The following TMEM272 variants were observed in gnomAD, a reference collection of about 807,000 sequenced individuals.
TMEM272 encodes the protein transmembrane protein 272.
A neutral mutation model predicts 3.7 loss-of-function variants in TMEM272; 8 were observed. The ratio of observed to expected loss-of-function variants is 2.17; its 90% confidence interval spans 1.27 to 3.91. The LOEUF is 3.91. Ranked by LOEUF, TMEM272 falls within the 30% of genes most tolerant of loss-of-function variation. TMEM272 has a pLI of 0.00. For missense variants in TMEM272, 166 were observed against 91.5 expected (o/e 1.81, Z -3.32); for synonymous variants, 63 against 39.8 (o/e 1.58, Z -2.20).
the TMEM272 span, among the ~76,000 whole-genome samples, chr13:51,851,340 A>G: frequency 6.6e-6 from 1 of 151,592 alleles, no homozygotes; most frequent in Non-Finnish European, 1.5e-5. Flanking sequence ...CCTCCTCCGT[A>G]ACCAAAAAAA....
chr13:51,919,359 T>C, the TMEM272 span, among the ~76,000 whole-genome samples: 1 of 152,166 alleles, frequency 6.6e-6, no homozygotes, highest in East Asian at 1.9e-4. Context: ...TGCTTCATAG[T>C]TTTAGAAATA....
At chr13:51,840,603 G>C (rs1355583452) in intron 1 of TMEM272, among the ~76,000 whole-genome samples, 2 of 152,198 alleles carry the variant, frequency 1.3e-5, no homozygotes, top group African/African-American at 4.8e-5. Context: ...TTGGATTCCA[G>C]GGGTCCCTCT....
intron 2 of TMEM272, among the ~76,000 whole-genome samples, chr13:51,829,414 T>C (rs1250007739): frequency 1.3e-5 from 2 of 152,184 alleles, no homozygotes; most frequent in African/African-American, 4.8e-5. Flanking sequence ...TTTGCATTTT[T>C]GTTTTGCTCC....
chr13:51,907,172 T>G, the TMEM272 span, among the ~76,000 whole-genome samples: 5 of 152,334 alleles, frequency 3.3e-5, no homozygotes, highest in East Asian at 5.8e-4. Flanking sequence ...TGGCTTCTGC[T>G]GTCTTGAACG....
the TMEM272 span, among the ~76,000 whole-genome samples, chr13:51,924,114 T>A: frequency 6.6e-6 from 1 of 152,300 alleles, no homozygotes; most frequent in East Asian, 1.9e-4. Context: ...CCCTCCCACC[T>A]TACAGCTGCT....
chr13:51,822,207 A>G, intron 3 of TMEM272, 70 bp from the exon 4 acceptor site: 2 of 635,746 alleles, frequency 3.1e-6, no homozygotes, highest in Non-Finnish European at 5.6e-6. Flanking sequence ...TTTGAAAATG[A>G]GTGGAACACC....
chr13:51,918,009 C>T, the TMEM272 span, among the ~76,000 whole-genome samples: 2 of 152,170 alleles, frequency 1.3e-5, no homozygotes, highest in African/African-American at 4.8e-5. Context: ...ATCAGTTTTG[C>T]TTCCTTTTTC....
chr13:51,913,582 T>C, the TMEM272 span, among the ~76,000 whole-genome samples: 1 of 152,190 alleles, frequency 6.6e-6, no homozygotes. Flanking sequence ...CAGGCCAGGC[T>C]GCAACTGATG....
chr13:51,854,121 G>A, the TMEM272 span, among the ~76,000 whole-genome samples: 1 of 152,132 alleles, frequency 6.6e-6, no homozygotes, highest in Admixed American at 6.5e-5. Flanking sequence ...GTGTGGCAGG[G>A]GGAGAAAGTA....
At chr13:51,920,321 T>C in the TMEM272 span, among the ~76,000 whole-genome samples, 2 of 152,294 alleles carry the variant, frequency 1.3e-5, no homozygotes, top group South Asian at 2.1e-4. Context: ...GATAAGACTT[T>C]GACAGTAATT....
the TMEM272 span, chr13:51,921,472 T>G: frequency 6.6e-6 from 1 of 152,222 alleles, no homozygotes; most frequent in African/African-American, 2.4e-5. Flanking sequence ...TCCTCAGTCT[T>G]CAGTGTCTAA....
At chr13:51,915,925 T>A in the TMEM272 span, among the ~76,000 whole-genome samples, 1 of 151,942 alleles carries the variant, frequency 6.6e-6, no homozygotes, top group East Asian at 1.9e-4. Flanking sequence ...ATACAAAAAT[T>A]AGCTGGGCGT....
chr13:51,897,919 T>C, the TMEM272 span, among the ~76,000 whole-genome samples: 6 of 82,478 alleles, frequency 7.3e-5, no homozygotes, highest in Non-Finnish European at 4.4e-5. Flanking sequence ...AGGGTGAGAC[T>C]CCATCTCAAA....
the TMEM272 span, among the ~76,000 whole-genome samples, chr13:51,857,474 AT>A: frequency 1.3e-5 from 2 of 152,164 alleles, no homozygotes; most frequent in Non-Finnish European, 2.9e-5. Flanking sequence ...CAGAATTAAA[AT>A]TTATGACAAC....
chr13:51,865,264 G>A, the TMEM272 span: 1 of 787,224 alleles, frequency 1.3e-6, no homozygotes, highest in Non-Finnish European at 2.0e-6. Context: ...AAATTCAGTA[G>A]TACAGAACCA....
At chr13:51,899,963 T>C in the TMEM272 span, among the ~76,000 whole-genome samples, 12 of 152,290 alleles carry the variant, frequency 7.9e-5, no homozygotes, top group East Asian at 7.7e-4. Context: ...AAGAATGAAG[T>C]TGGACTCCTA....
intron 2 of TMEM272, among the ~76,000 whole-genome samples, chr13:51,836,341 C>T (rs1202372153): frequency 6.6e-6 from 1 of 152,082 alleles, no homozygotes; most frequent in Admixed American, 6.6e-5. Context: ...TTATAAACTA[C>T]CTAGTCTGTG....
the TMEM272 span, among the ~76,000 whole-genome samples, chr13:51,872,444 C>CAAAAAAG: frequency 6.6e-6 from 1 of 152,136 alleles, no homozygotes; most frequent in East Asian, 1.9e-4. Flanking sequence ...ATCCTCCACA[C>CAAAAAAG]ACTGAGATCA....
chr13:51,837,585 G>A (rs1182581083), intron 2 of TMEM272, among the ~76,000 whole-genome samples: 2 of 152,236 alleles, frequency 1.3e-5, no homozygotes, highest in African/African-American at 2.4e-5. Flanking sequence ...AGTTGTATCT[G>A]GGAGGTGGCT....
Sources: allele counts gnomAD v4.1 joint callset (sites outside exome capture counted in the v4.1 genomes callset), GRCh38; gene constraint gnomAD v4.1.1; transcripts MANE v1.5; gene names NCBI Gene and HGNC (gene_info 2026-07-23, HGNC 2026-07-21).